CCZ1: variants seen among roughly 807,000 people sequenced by gnomAD.
CCZ1 encodes vacuolar fusion protein CCZ1 homolog.
Under a neutral mutation model 57.8 loss-of-function variants are expected in CCZ1, and 19 were observed. The ratio of observed to expected loss-of-function variants is 0.33; its 90% CI spans 0.23 to 0.48. The LOEUF (loss-of-function observed/expected upper bound fraction) is 0.48, where lower values mean the gene tolerates loss of function less well. CCZ1 is among the 20% of genes least tolerant of loss of function. The probability of loss-of-function intolerance (pLI) is 0.99; values close to 1 mark genes in which losing one functional copy is unlikely to be tolerated. For missense variants in CCZ1, 200 were observed against 492.0 expected (o/e 0.41, Z 5.61); for synonymous variants, 81 against 167.0 (o/e 0.49, Z 3.97).
chr7:5,901,730 C>G, intron 5 of CCZ1, 26 bp downstream of exon 5: 1 of 1,597,892 alleles, frequency 6.3e-7, no homozygotes, highest in Non-Finnish European at 8.5e-7. Context: ...TTTCTCAACT[C>G]AGAGTCCAGC....
In CCZ1 at chr7:5,909,952, T is replaced by A. The variant is rs1171477617; in HGVS notation, c.699-83T>A. The A allele has an allele frequency of 1.3e-5, 16 of 1,230,832 alleles. No homozygotes were observed. The African/African-American group carries it at 1.7e-4, about 13-fold the overall frequency. The allele number at this position is 1,230,832 out of a possible 1,614,324, so 76.2% of individuals were successfully genotyped here. A position where few individuals can be genotyped will look rare whatever the true frequency, so the allele number is the denominator to read the frequency against. On this transcript the variant is annotated intron_variant, in intron 7 of 14. Coordinates refer to ENST00000325974, the MANE Select transcript of CCZ1 (RefSeq NM_015622.6). ...CTAAAAATGACTTGAAAAAAAAATT[T>A]TTGTTTAATGAGCTTTATCACAGCA...
chr7:5,911,500 G>T (rs1779027605), intron 8 of CCZ1, among the ~76,000 whole-genome samples: 1 of 148,814 alleles, frequency 6.7e-6, no homozygotes, highest in Admixed American at 6.6e-5. Context: ...TCGTCATGTT[G>T]CCCAGGCTAT....
intron 7 of CCZ1, among the ~76,000 whole-genome samples, chr7:5,906,144 G>A (rs1390399044): frequency 6.8e-6 from 1 of 147,316 alleles, no homozygotes; most frequent in Non-Finnish European, 1.5e-5. Flanking sequence ...TTTGTGTCCT[G>A]CAGTAGGAAC....
At chr7:5,908,162 T>A (rs546881934) in intron 7 of CCZ1, among the ~76,000 whole-genome samples, 2 of 143,796 alleles carry the variant, frequency 1.4e-5, no homozygotes, top group East Asian at 2.4e-4. Context: ...AGCTGTTATA[T>A]TAAATACCAA....
At chr7:5,904,525 T>C (rs1308979001) in intron 6 of CCZ1, among the ~76,000 whole-genome samples, 4 of 141,002 alleles carry the variant, frequency 2.8e-5, no homozygotes, top group African/African-American at 1.1e-4. Flanking sequence ...ACTCTGTCTA[T>C]ACCAAAAAAA....
At chr7:5,920,487 T>TTTTTTTTTTTA (rs1360301005) in intron 12 of CCZ1, among the ~76,000 whole-genome samples, 2 of 117,396 alleles carry the variant, frequency 1.7e-5, no homozygotes, top group Non-Finnish European at 3.7e-5. Flanking sequence ...TTTTTTTTTT[T>TTTTTTTTTTTA]GAGACAAATT....
At chr7:5,912,377 C>CTTTTTTTTTTTT (rs4036238) in intron 9 of CCZ1, among the ~76,000 whole-genome samples, 2 of 54,704 alleles carry the variant, frequency 3.7e-5, no homozygotes, top group African/African-American at 7.8e-5. Context: ...TCAGCATACC[C>CTTTTTTTTTTTT]TTTTTTTTTT....
At chr7:5,905,666 C>T (rs1274595351) in intron 7 of CCZ1, among the ~76,000 whole-genome samples, 1 of 141,354 alleles carries the variant, frequency 7.1e-6, no homozygotes, top group East Asian at 2.6e-4. Flanking sequence ...CCTGTAATCC[C>T]AGCTACTCAG....
intron 8 of CCZ1, among the ~76,000 whole-genome samples, chr7:5,911,476 G>A (rs1779024077): frequency 1.4e-5 from 2 of 145,574 alleles, no homozygotes; most frequent in Non-Finnish European, 1.5e-5. Context: ...CTAATTTTTT[G>A]TAGAGATGGG....
chr7:5,900,506 A>G lies in CCZ1; in HGVS notation c.252A>G (p.Leu84=), dbSNP rs573071922. The G allele has an allele frequency of 1.8e-4, 285 of 1,601,232 alleles. 12 individuals are homozygous for G. The South Asian group carries it at 3.1e-3, about 17-fold the overall frequency. Residue 84 remains leucine, a synonymous_variant, in exon 3 of 15, where the codon TTA becomes TTG. Transcript: ENST00000325974. ...GCCCATCAAAACCTGCAAAATCTTT[A>G]CATACACAGAAGAACAGACAGTTCT... ...TFSPSKPAKS[L]HTQKNRQFFN... is the part of the protein sequence containing the mutation.
At position 5,899,801 on chromosome 7, in the gene CCZ1, G is replaced by C. The variant is rs542781026; in HGVS notation, c.121-483G>C. On this transcript the variant is annotated intron_variant, in intron 1 of 14. Transcript: ENST00000325974. ...AAAAAGCAACTTGTCAGTTCAAATGGCTGGGAACTGACTGGATTTAATTTT... is the reference window on the plus strand; with the variant it reads ...AAAAAGCAACTTGTCAGTTCAAATGCCTGGGAACTGACTGGATTTAATTTT... Among the ~76,000 whole-genome samples, 9 of 151,960 alleles carry C rather than the reference G, an allele frequency of 5.9e-5. 1 individual carries two copies. In the South Asian group the frequency reaches 1.9e-3, roughly 32 times the overall value.
intron 1 of CCZ1, among the ~76,000 whole-genome samples, chr7:5,899,298 C>T (rs1781621389): frequency 7.5e-5 from 10 of 133,538 alleles, no homozygotes; most frequent in Admixed American, 6.7e-4. Flanking sequence ...TAATAGTTTT[C>T]GCCCAAATGA....
intron 7 of CCZ1, among the ~76,000 whole-genome samples, chr7:5,907,992 C>T (rs1781875254): frequency 7.1e-6 from 1 of 141,736 alleles, no homozygotes; most frequent in Non-Finnish European, 1.5e-5. Flanking sequence ...GTCCCAACTA[C>T]AGAGACTACA....
At chr7:5,903,236 T>C (rs1178117578) in intron 6 of CCZ1, among the ~76,000 whole-genome samples, 1 of 146,380 alleles carries the variant, frequency 6.8e-6, no homozygotes, top group Non-Finnish European at 1.5e-5. Context: ...CTGTCCTCTT[T>C]CGTTGTAATT....
At chr7:5,899,621 G>A (rs1255848940) in intron 1 of CCZ1, among the ~76,000 whole-genome samples, 2 of 139,692 alleles carry the variant, frequency 1.4e-5, no homozygotes, top group African/African-American at 5.4e-5. Context: ...TGAAAAGTGA[G>A]CCGGGCGTGG....
At chr7:5,899,334 GGT>G (rs869199583) in intron 1 of CCZ1, among the ~76,000 whole-genome samples, 409 of 12,468 alleles carry the variant, frequency 0.033, 13 homozygotes, top group Non-Finnish European at 0.03. Context: ...TCGGGAGGGG[GGT>G]GTGTGTGTGT....
At chr7:5,900,790 A>G (rs1347133648) in intron 3 of CCZ1, 65 bp from the exon 4 acceptor site, 6 of 1,566,330 alleles carry the variant, frequency 3.8e-6, no homozygotes, top group Admixed American at 4.3e-5. Context: ...AAGTTTTTAA[A>G]TTAAGGCAAA....
chr7:5,901,732 G>C, intron 5 of CCZ1, 28 bp downstream of exon 5: 2 of 1,597,716 alleles, frequency 1.3e-6, no homozygotes, highest in Non-Finnish European at 1.7e-6. Context: ...TCTCAACTCA[G>C]AGTCCAGCCA....
intron 7 of CCZ1, among the ~76,000 whole-genome samples, chr7:5,908,534 A>G (rs1361472457): frequency 6.8e-6 from 1 of 147,812 alleles, no homozygotes; most frequent in Non-Finnish European, 1.5e-5. Flanking sequence ...GTGTGCTATC[A>G]GGCCTAGCAA....
Sources: allele counts gnomAD v4.1 joint callset (sites outside exome capture counted in the v4.1 genomes callset), GRCh38; gene constraint gnomAD v4.1.1; transcripts MANE v1.5; gene names NCBI Gene and HGNC (gene_info 2026-07-23, HGNC 2026-07-21).